Variants in IFT88 observed in about 807,000 individuals in gnomAD.
The protein encoded by IFT88 is intraflagellar transport protein 88 homolog.
IFT88 carries 74 observed loss-of-function variants against 119.5 expected under a neutral mutation model. That is an observed-to-expected ratio of 0.62 (90% confidence interval 0.51 to 0.75). The LOEUF is 0.75. IFT88 is among the 30% of genes least tolerant of loss of function. The probability of loss-of-function intolerance (pLI) is 0.00; values close to 1 mark genes in which losing one functional copy is unlikely to be tolerated. For synonymous variants in IFT88, 279 were observed against 316.7 expected (o/e 0.88, Z 1.26); for missense variants, 961 against 977.7 (o/e 0.98, Z 0.23).
chr13:20,568,032 G>C, intron 1 of IFT88: 2 of 712,962 alleles, frequency 2.8e-6, no homozygotes, highest in Non-Finnish European at 2.6e-6. Flanking sequence ...TCGCAAAAAA[G>C]AATCTCATAA....
chr13:20,646,098 T>G (rs1457857834), intron 20 of IFT88, among the ~76,000 whole-genome samples: 1 of 152,128 alleles, frequency 6.6e-6, no homozygotes, highest in African/African-American at 2.4e-5. Flanking sequence ...TAACTCCTAT[T>G]TGTAAATGTC....
intron 24 of IFT88, among the ~76,000 whole-genome samples, chr13:20,671,876 T>C (rs2055926268): frequency 6.6e-6 from 1 of 152,164 alleles, no homozygotes; most frequent in African/African-American, 2.4e-5. Flanking sequence ...GTTTGTGATG[T>C]AGGAGTCAGG....
At position 20,639,056 on chromosome 13, in the gene IFT88, CG is replaced by C. The variant is rs1267085494; in HGVS notation, c.1573+540del. Among the ~76,000 whole-genome samples the C allele has an allele frequency of 3.3e-5, 5 of 152,196 alleles. No individual in the cohort carries two copies. In the East Asian group the frequency reaches 9.6e-4, roughly 29 times the overall value. ...TCACATTCTCTTCCCTGCCTTTCAG[CG>C]GTTGCCTGAAATGGGCATCATCACC... On this transcript the variant is annotated intron_variant, in intron 17 of 25. Coordinates refer to ENST00000351808, the MANE Select transcript of IFT88 (RefSeq NM_006531.5).
intron 24 of IFT88, among the ~76,000 whole-genome samples, chr13:20,684,335 C>T (rs1271547235): frequency 6.6e-6 from 1 of 152,142 alleles, no homozygotes; most frequent in Non-Finnish European, 1.5e-5. Context: ...TCTTTTTCTT[C>T]AAAATAATGA....
At chr13:20,660,204 G>A (rs150005898) in intron 22 of IFT88, among the ~76,000 whole-genome samples, 22 of 152,242 alleles carry the variant, frequency 1.4e-4, no homozygotes, top group East Asian at 5.8e-4. Context: ...GTCATGGAAC[G>A]GCTTTCTGTT....
intron 14 of IFT88, among the ~76,000 whole-genome samples, chr13:20,616,951 G>A (rs1026780333): frequency 6.6e-6 from 1 of 151,690 alleles, no homozygotes; most frequent in Non-Finnish European, 1.5e-5. Context: ...TTTTGTTGTT[G>A]TTGTTGTTTT....
intron 9 of IFT88, 46 bp downstream of exon 9, chr13:20,597,165 G>T (rs1306214651): frequency 2.0e-6 from 2 of 999,522 alleles, no homozygotes; most frequent in Non-Finnish European, 3.0e-6. Context: ...ATTTTGACTA[G>T]GGTTAATGGG....
In IFT88 at chr13:20,605,082, C is replaced by G. The variant is rs767373782; in HGVS notation, c.1089C>G (p.His363Gln). The G allele has an allele frequency of 6.7e-7, 1 of 1,494,434 alleles. No individual in the cohort carries two copies. The highest frequency in any genetic ancestry group is 2.3e-5 in the East Asian group (1 of 43,604). 92.6% of individuals were successfully genotyped at this position (1,494,434 alleles called of 1,614,324 possible). A position where few individuals can be genotyped will look rare whatever the true frequency, so the allele number is the denominator to read the frequency against. ...NLVTEAIKND[H>Q]LRQMERERKA... ...TAACTGAAGCTATAAAAAATGATCA[C>G]CTCAGGCAAATGGAACGTGAAAGGT... Residue 363 changes from histidine (H) to glutamine (Q), a missense_variant, in exon 13 of 26, where the codon CAC becomes CAG. His to Gln is a conservative substitution (Grantham distance 24). Transcript: ENST00000351808.
chr13:20,674,720 A>AT lies in IFT88; in HGVS notation c.2242+3682dup, dbSNP rs1204313267. 4.2e-3 allele frequency among the ~76,000 whole-genome samples: 119 copies of AT among 28,382 alleles called. 1 individual carries two copies. Among genetic ancestry groups the AT allele is most frequent in the East Asian group, 0.021 (32 of 1,528 alleles). The allele number at this position is 28,382 out of a possible 152,430, so 18.6% of individuals were successfully genotyped here. ...TGAAGTTTTATATATATATATATAT[A>AT]TATATTTTTTTTTTTTTTTTTTTTT... On this transcript the variant is annotated intron_variant, in intron 24 of 25. Transcript: ENST00000351808.
intron 6 of IFT88, 136 bp downstream of exon 6, chr13:20,591,817 A>G: frequency 1.7e-6 from 1 of 596,432 alleles, no homozygotes; most frequent in East Asian, 3.1e-5. Flanking sequence ...TATTTTAGGT[A>G]CCATTAAGAA....
At chr13:20,622,240 A>G (rs1271813234) in intron 14 of IFT88, among the ~76,000 whole-genome samples, 2 of 152,192 alleles carry the variant, frequency 1.3e-5, no homozygotes, top group African/African-American at 4.8e-5. Context: ...TCATTCACCT[A>G]TTGAAAGACA....
chr13:20,573,679 C>G (rs1474832504), intron 1 of IFT88, among the ~76,000 whole-genome samples: 5 of 152,162 alleles, frequency 3.3e-5, no homozygotes, highest in Admixed American at 3.3e-4. Flanking sequence ...TGTGAATACT[C>G]TGGTTGCTCC....
chr13:20,599,781 A>G (rs2042295908), intron 11 of IFT88, among the ~76,000 whole-genome samples: 1 of 152,156 alleles, frequency 6.6e-6, no homozygotes, highest in African/African-American at 2.4e-5. Flanking sequence ...CATATGAAAT[A>G]AAACTAAGTG....
rs568522173 is a variant in IFT88, at chr13:20,592,396, A to G, written c.390A>G (p.Lys130=). 7 of 1,608,766 alleles carry G rather than the reference A, an allele frequency of 4.4e-6. No individual in the cohort carries two copies. The East Asian group carries it at 1.3e-4, about 31-fold the overall frequency. Residue 130 remains lysine (K), a synonymous_variant, in exon 7 of 26, where the codon AAA becomes AAG. Coordinates refer to ENST00000351808, the MANE Select transcript of IFT88 (RefSeq NM_006531.5). ...CTGCTTCCCCTTTGGAAGCCAAGAA[A>G]AAAGATAGGTATGTAAGTCCTTATG... ...RGPASPLEAK[K]KDSPEEKIKQ...
intron 23 of IFT88, among the ~76,000 whole-genome samples, chr13:20,667,291 C>A (rs1417022845): frequency 6.6e-6 from 1 of 152,162 alleles, no homozygotes; most frequent in Non-Finnish European, 1.5e-5. Flanking sequence ...CCCTCATATA[C>A]CATATGATGA....
chr13:20,590,451 A>G (rs2040465894), intron 4 of IFT88, among the ~76,000 whole-genome samples: 1 of 152,182 alleles, frequency 6.6e-6, no homozygotes, highest in Admixed American at 6.6e-5. Context: ...AAATATCTTC[A>G]GAACCTAGAG....
At chr13:20,583,301 AAGTGGAGTCTCAG>A (rs1426877500) in intron 3 of IFT88, among the ~76,000 whole-genome samples, 1 of 152,196 alleles carries the variant, frequency 6.6e-6, no homozygotes, top group Non-Finnish European at 1.5e-5. Context: ...TACCTTACAT[AAGTGGAGTCTCAG>A]AGTATTTGTC....
rs368908270 is a variant in IFT88 at position 20,585,114 on chromosome 13, T to C, written c.153+2095T>C. ...CAAAAATAAATCATTGTGAGTAGCT[T>C]GCCCATCTCATTTGGGGTAAATGCA... On this transcript the variant is annotated intron_variant, in intron 3 of 25. Coordinates refer to ENST00000351808, the MANE Select transcript of IFT88 (RefSeq NM_006531.5). 7.5e-4 allele frequency among the ~76,000 whole-genome samples: 114 copies of C among 152,318 alleles called. 2 individuals carry two copies. The South Asian group carries it at 0.02, about 27-fold the overall frequency.
At chr13:20,685,263 A>T (rs2057786352) in intron 24 of IFT88, among the ~76,000 whole-genome samples, 1 of 152,108 alleles carries the variant, frequency 6.6e-6, no homozygotes. Context: ...TGGGGGGGCC[A>T]GGTTTTCCTT....
Sources: allele counts gnomAD v4.1 joint callset (sites outside exome capture counted in the v4.1 genomes callset), GRCh38; gene constraint gnomAD v4.1.1; transcripts MANE v1.5; gene names NCBI Gene and HGNC (gene_info 2026-07-23, HGNC 2026-07-21).